ARSJ: variants seen among roughly 807,000 people sequenced by gnomAD.
ARSJ encodes arylsulfatase family member J.
Under a neutral mutation model 35.9 loss-of-function variants are expected in ARSJ, and 26 were observed. That is an observed-to-expected ratio of 0.72 (90% CI 0.53 to 1.00). The LOEUF is 1.00. Among genes scored for constraint, ARSJ ranks in the 50% least tolerant of loss-of-function variants. ARSJ has a pLI of 0.00. For synonymous variants in ARSJ, 294 were observed against 267.6 expected, an observed-to-expected ratio of 1.10 and a Z score of -0.96; for missense variants, 667 against 723.6, an observed-to-expected ratio of 0.92 and a Z score of 0.90.
chr4:113,909,001 A>T (rs2099669626), intron 1 of ARSJ, among the ~76,000 whole-genome samples: 1 of 152,124 alleles, frequency 6.6e-6, no homozygotes, highest in East Asian at 1.9e-4. Context: ...GAGATTGTTT[A>T]GATTTGTCTA....
chr4:113,921,512 A>C (rs1337871231), intron 1 of ARSJ, among the ~76,000 whole-genome samples: 2 of 152,194 alleles, frequency 1.3e-5, no homozygotes, highest in Non-Finnish European at 2.9e-5. Flanking sequence ...ATTTAAAAGC[A>C]TAAGGAATGT....
chr4:113,960,502 A>G (rs2149280255), intron 1 of ARSJ, among the ~76,000 whole-genome samples: 1 of 152,182 alleles, frequency 6.6e-6, no homozygotes, highest in East Asian at 1.9e-4. Flanking sequence ...TTATTAGTGA[A>G]CTGCCTCAAC....
chr4:113,902,192 G>C lies in ARSJ; in HGVS notation c.*82C>G, dbSNP rs145449869. ...TGACGCTTAGGCCAGCGATATTATCGAGCCAAATTTGCTGGTTTACCTAGG... is the reference window on the plus strand; with the variant it reads ...TGACGCTTAGGCCAGCGATATTATCCAGCCAAATTTGCTGGTTTACCTAGG... On this transcript the variant is annotated 3_prime_UTR_variant, in exon 2 of 2. Coordinates refer to ENST00000315366, the MANE Select transcript of ARSJ (RefSeq NM_024590.4). 546 of 1,599,334 alleles carry C rather than the reference G, an allele frequency of 3.4e-4. 1 individual carries two copies. In the African/African-American group the frequency reaches 6.4e-3, roughly 19 times the overall value.
intron 1 of ARSJ, among the ~76,000 whole-genome samples, chr4:113,938,961 T>C (rs975284500): frequency 6.6e-6 from 1 of 151,872 alleles, no homozygotes; most frequent in African/African-American, 2.4e-5. Context: ...GTGCACAATG[T>C]GCAGGTTAGT....
chr4:113,971,858 T>A lies in ARSJ; in HGVS notation c.398+6579A>T, dbSNP rs528986923. Among the ~76,000 whole-genome samples the A allele has an allele frequency of 7.9e-5, 12 of 152,258 alleles. No homozygotes were observed. The East Asian group carries it at 2.1e-3, about 27-fold the overall frequency. On this transcript the variant is annotated intron_variant, in intron 1 of 1. Coordinates refer to ENST00000315366, the MANE Select transcript of ARSJ (RefSeq NM_024590.4). The stretch of plus-strand genomic sequence containing the variant: ...AAAGAAGTGGATGGAAGAGGAAGCA[T>A]GCATGACCATGATGTTTACAATAAG...
Position 113,902,303 on chromosome 4 carries a change from T to C in ARSJ, c.1771A>G (p.Thr591Ala), listed in dbSNP as rs1263160600. ...CCACAAGTAACACCTGAATGGCAAG[T>C]TGAACCTGAGACTGCTTTCTGCTGT... ...KKQQKAVSGS[T>A]CHSGVTCG The change falls in exon 2 of 2, where the codon ACT becomes GCT. Residue 591 changes from threonine to alanine, a missense_variant. Transcript: ENST00000315366. The C allele has an allele frequency of 2.5e-6, 4 of 1,612,358 alleles. No homozygotes were observed. The East Asian group carries it at 6.7e-5, about 27-fold the overall frequency.
In ARSJ at chr4:113,978,845, C is replaced by G; in HGVS notation, c.-11G>C. 6.3e-7 allele frequency: 1 copy of G among 1,582,076 alleles called. No homozygotes were observed. Among genetic ancestry groups the G allele is most frequent in the East Asian group, 2.2e-5 (1 of 44,650 alleles). ...GCCCCTGGGAGCCATTCACTCAGGT[C>G]CCAGGTGAGACTCCACGCGGAGAAC... On this transcript the variant is annotated 5_prime_UTR_variant, in exon 1 of 2. Transcript: ENST00000315366.
intron 1 of ARSJ, among the ~76,000 whole-genome samples, chr4:113,936,074 C>T (rs1175209776): frequency 6.6e-6 from 1 of 151,966 alleles, no homozygotes; most frequent in Non-Finnish European, 1.5e-5. Flanking sequence ...CCCTCATTTG[C>T]TGCCCACTAG....
In ARSJ at chr4:113,904,565, A is replaced by G. The variant is rs2149247541; in HGVS notation, c.399-890T>C. 2.0e-5 allele frequency among the ~76,000 whole-genome samples: 3 copies of G among 152,302 alleles called. 1 individual carries two copies. Among genetic ancestry groups the G allele is most frequent in the Middle Eastern group, 3.4e-3 (1 of 294 alleles). On this transcript the variant is annotated intron_variant, in intron 1 of 1. Coordinates refer to ENST00000315366, the MANE Select transcript of ARSJ (RefSeq NM_024590.4). ...AGTGGTGTGATCTAGGCTCACTGCA[A>G]GCTCCGCCTCCCGGGTTCACGCCAT...
intron 1 of ARSJ, among the ~76,000 whole-genome samples, chr4:113,932,393 A>G (rs1182958867): frequency 6.6e-6 from 1 of 152,024 alleles, no homozygotes; most frequent in Non-Finnish European, 1.5e-5. Context: ...AGAATGTTTA[A>G]CCCAGAATAC....
In ARSJ at chr4:113,973,508, C is replaced by T. The variant is rs115477851; in HGVS notation, c.398+4929G>A. Among the ~76,000 whole-genome samples the T allele has an allele frequency of 5.8e-3, 878 of 152,232 alleles. 9 individuals carry two copies. The highest frequency in any genetic ancestry group is 0.019 in the African/African-American group (796 of 41,530). On this transcript the variant is annotated intron_variant, in intron 1 of 1. Coordinates refer to ENST00000315366, the MANE Select transcript of ARSJ (RefSeq NM_024590.4). The stretch of plus-strand genomic sequence containing the variant: ...TCAACTGTACTTCTGCACACAAGCA[C>T]CAAGCAGGGTGGGAGAAAAACAAAC...
At chr4:113,978,291 A>G in intron 1 of ARSJ, 146 bp downstream of exon 1, 1 of 751,848 alleles carries the variant, frequency 1.3e-6, no homozygotes, top group East Asian at 2.7e-5. Flanking sequence ...TTAACACGGT[A>G]CCCCAATACC....
intron 1 of ARSJ, among the ~76,000 whole-genome samples, chr4:113,951,214 T>C (rs1487980173): frequency 6.6e-6 from 1 of 152,082 alleles, no homozygotes; most frequent in Non-Finnish European, 1.5e-5. Context: ...AATATAAGGT[T>C]CTCATTTGGA....
chr4:113,949,648 C>A (rs1341931481), intron 1 of ARSJ, among the ~76,000 whole-genome samples: 1 of 152,072 alleles, frequency 6.6e-6, no homozygotes, highest in South Asian at 2.1e-4. Flanking sequence ...ATGTTACTAG[C>A]TGAGTGTTAT....
At chr4:113,922,722 A>C (rs1218770564) in intron 1 of ARSJ, among the ~76,000 whole-genome samples, 1 of 152,210 alleles carries the variant, frequency 6.6e-6, no homozygotes, top group African/African-American at 2.4e-5. Context: ...TGATTTGTTA[A>C]ACATGCCAGT....
intron 1 of ARSJ, among the ~76,000 whole-genome samples, chr4:113,960,584 A>C (rs1726483908): frequency 6.6e-6 from 1 of 152,116 alleles, no homozygotes; most frequent in South Asian, 2.1e-4. Context: ...AAAAGAATCA[A>C]AGAATTTTCT....
chr4:113,908,995 T>G (rs1027191342), intron 1 of ARSJ, among the ~76,000 whole-genome samples: 8 of 152,134 alleles, frequency 5.3e-5, no homozygotes, highest in African/African-American at 1.9e-4. Flanking sequence ...TGTTTAGAGA[T>G]TGTTTAGATT....
chr4:113,927,496 A>C (rs1352289062), intron 1 of ARSJ, among the ~76,000 whole-genome samples: 1 of 152,196 alleles, frequency 6.6e-6, no homozygotes, highest in Non-Finnish European at 1.5e-5. Flanking sequence ...ACAAAGCCGG[A>C]GAGTTGATTT....
At chr4:113,977,922 A>G (rs1277836395) in intron 1 of ARSJ, among the ~76,000 whole-genome samples, 1 of 152,244 alleles carries the variant, frequency 6.6e-6, no homozygotes, top group Non-Finnish European at 1.5e-5. Flanking sequence ...AAAATGACCC[A>G]TCAAAGACCG....
Sources: gnomAD v4.1 joint callset for allele counts (sites outside exome capture counted in the v4.1 genomes callset) on GRCh38, gnomAD v4.1.1 for gene constraint, MANE v1.5 for transcripts, NCBI Gene and HGNC (gene_info 2026-07-23, HGNC 2026-07-21) for gene names.